ARHGAP15: variants seen among roughly 807,000 people sequenced by gnomAD.
ARHGAP15 encodes the protein rho GTPase-activating protein 15.
Under a neutral mutation model 63.7 loss-of-function variants are expected in ARHGAP15, and 51 were observed. The observed-to-expected ratio is 0.80, with a 90% confidence interval of 0.64 to 1.01. The LOEUF (loss-of-function observed/expected upper bound fraction) is 1.01, where lower values mean the gene tolerates loss of function less well. Among genes scored for constraint, ARHGAP15 ranks in the 50% least tolerant of loss-of-function variants. The pLI, the probability that ARHGAP15 is intolerant of heterozygous loss-of-function variation, is 0.00. For synonymous variants in ARHGAP15, 191 were observed against 193.8 expected (o/e 0.99, Z 0.12); for missense variants, 560 against 564.6 (o/e 0.99, Z 0.08).
intron 13 of ARHGAP15, among the ~76,000 whole-genome samples, chr2:143,762,322 T>C (rs1686788702): frequency 6.6e-6 from 1 of 152,226 alleles, no homozygotes. Context: ...AGATTAGTTC[T>C]TTTGCCTTTT....
At chr2:143,279,421 A>G (rs1681732139) in intron 6 of ARHGAP15, among the ~76,000 whole-genome samples, 1 of 152,136 alleles carries the variant, frequency 6.6e-6, no homozygotes, top group Admixed American at 6.6e-5. Flanking sequence ...TGGTTGCAAT[A>G]TTTGTAAAAA....
chr2:143,590,943 C>CTG (rs1697296683), intron 11 of ARHGAP15, among the ~76,000 whole-genome samples: 1 of 34,874 alleles, frequency 2.9e-5, no homozygotes, highest in Non-Finnish European at 9.8e-5. Context: ...TGTATCTTTG[C>CTG]TCTCTCTCTC....
At chr2:143,320,418 C>T (rs111698851) in intron 6 of ARHGAP15, among the ~76,000 whole-genome samples, 6 of 96,208 alleles carry the variant, frequency 6.2e-5, no homozygotes, top group South Asian at 5.1e-4. Flanking sequence ...ACCCCCCCCC[C>T]CCCCAGAGAT....
chr2:143,675,388 A>G (rs1030950144), intron 12 of ARHGAP15, among the ~76,000 whole-genome samples: 16 of 152,084 alleles, frequency 1.1e-4, no homozygotes, highest in Non-Finnish European at 2.4e-4. Context: ...TGAATCATGA[A>G]TGTTCTTAAT....
intron 13 of ARHGAP15, among the ~76,000 whole-genome samples, chr2:143,707,444 A>G (rs1684380297): frequency 6.6e-6 from 1 of 152,232 alleles, no homozygotes; most frequent in South Asian, 2.1e-4. Context: ...AAAAACAGAC[A>G]TGGGAAAGAA....
intron 6 of ARHGAP15, among the ~76,000 whole-genome samples, chr2:143,320,403 T>TCCCCCCCGCCC (rs200994141): frequency 1.7e-3 from 15 of 9,008 alleles, no homozygotes; most frequent in African/African-American, 3.4e-3. Flanking sequence ...AATCAGGACT[T>TCCCCCCCGCCC]CCCCACCCCC....
At chr2:143,294,218 C>T (rs1253474474) in intron 6 of ARHGAP15, among the ~76,000 whole-genome samples, 14 of 151,978 alleles carry the variant, frequency 9.2e-5, no homozygotes, top group South Asian at 2.1e-4. Context: ...ATTATGCAAG[C>T]GTAACCTAAT....
chr2:143,623,103 G>A (rs544803658), intron 11 of ARHGAP15, among the ~76,000 whole-genome samples: 33 of 152,274 alleles, frequency 2.2e-4, no homozygotes, highest in African/African-American at 7.7e-4. Flanking sequence ...ATGAAGCCCC[G>A]AATCCAAAAC....
At chr2:143,348,665 C>T (rs1441508060) in intron 6 of ARHGAP15, among the ~76,000 whole-genome samples, 1 of 152,110 alleles carries the variant, frequency 6.6e-6, no homozygotes, top group Admixed American at 6.6e-5. Flanking sequence ...GAGCAGCAAA[C>T]TAGAGGTACA....
At chr2:143,381,070 TAG>T (rs1687034835) in intron 6 of ARHGAP15, among the ~76,000 whole-genome samples, 1 of 152,176 alleles carries the variant, frequency 6.6e-6, no homozygotes. Flanking sequence ...GAATATTGTT[TAG>T]AGTCATTTGC....
chr2:143,381,699 C>T (rs1687060358), intron 6 of ARHGAP15, among the ~76,000 whole-genome samples: 1 of 152,106 alleles, frequency 6.6e-6, no homozygotes, highest in Non-Finnish European at 1.5e-5. Flanking sequence ...CTATGACCAT[C>T]CTCTTGTGTC....
At chr2:143,626,221 C>T (rs142223663) in intron 12 of ARHGAP15, among the ~76,000 whole-genome samples, 1,643 of 152,214 alleles carry the variant, frequency 0.011, 22 homozygotes, top group Admixed American at 0.018. Flanking sequence ...TAAGAAAGTG[C>T]CTAAGAAAGT....
intron 10 of ARHGAP15, among the ~76,000 whole-genome samples, chr2:143,537,027 C>T (rs1363896544): frequency 6.6e-6 from 1 of 151,910 alleles, no homozygotes; most frequent in Admixed American, 6.6e-5. Flanking sequence ...ACATCCTCTC[C>T]AGCACCTGTT....
chr2:143,268,945 A>G (rs1329485592), intron 6 of ARHGAP15, among the ~76,000 whole-genome samples: 2 of 152,166 alleles, frequency 1.3e-5, no homozygotes, highest in East Asian at 1.9e-4. Flanking sequence ...CTAAGTAAAT[A>G]TATTCCAAAG....
chr2:143,219,530 A>G (rs530042698), intron 4 of ARHGAP15, among the ~76,000 whole-genome samples: 27 of 152,332 alleles, frequency 1.8e-4, no homozygotes, highest in African/African-American at 6.3e-4. Flanking sequence ...AATCGCACAT[A>G]TATGTTTCCT....
intron 12 of ARHGAP15, among the ~76,000 whole-genome samples, chr2:143,659,653 C>A (rs1393692769): frequency 1.3e-5 from 2 of 152,162 alleles, no homozygotes; most frequent in Non-Finnish European, 2.9e-5. Flanking sequence ...GCCCTAGGGG[C>A]TAGTGGAGAC....
At chr2:143,619,723 A>T (rs933496766) in intron 11 of ARHGAP15, among the ~76,000 whole-genome samples, 1 of 152,106 alleles carries the variant, frequency 6.6e-6, no homozygotes, top group Non-Finnish European at 1.5e-5. Flanking sequence ...TGTCCTCGTG[A>T]TAGTAAGTTC....
chr2:143,225,452 T>C (rs1693171403), intron 4 of ARHGAP15, among the ~76,000 whole-genome samples: 1 of 151,920 alleles, frequency 6.6e-6, no homozygotes, highest in Admixed American at 6.6e-5. Flanking sequence ...GTACAAAAAA[T>C]TAGCCGGGCG....
chr2:143,340,380 T>C (rs1685003313), intron 6 of ARHGAP15, among the ~76,000 whole-genome samples: 1 of 152,094 alleles, frequency 6.6e-6, no homozygotes, highest in African/African-American at 2.4e-5. Flanking sequence ...ATGAACAAGG[T>C]AATTTTAACA....
Sources: gnomAD v4.1 joint callset for allele counts (sites outside exome capture counted in the v4.1 genomes callset) on GRCh38, gnomAD v4.1.1 for gene constraint, MANE v1.5 for transcripts, NCBI Gene and HGNC (gene_info 2026-07-23, HGNC 2026-07-21) for gene names.